Variants in RIMS2 observed in about 807,000 individuals in gnomAD.
RIMS2 encodes regulating synaptic membrane exocytosis protein 2.
A neutral mutation model predicts 174.4 loss-of-function variants in RIMS2; 59 were observed. That is an observed-to-expected ratio of 0.34 (90% CI 0.27 to 0.42). The LOEUF (loss-of-function observed/expected upper bound fraction) is 0.42, where lower values mean the gene tolerates loss of function less well. Among genes scored for constraint, RIMS2 ranks in the 10% least tolerant of loss-of-function variants. The pLI is 1.00. For synonymous variants in RIMS2, 606 were observed against 572.5 expected (o/e 1.06, Z -0.84); for missense variants, 1,620 against 1,666.3 (o/e 0.97, Z 0.48).
At chr8:104,164,404 GT>G (rs769168164) in intron 19 of RIMS2, among the ~76,000 whole-genome samples, 1 of 122,924 alleles carries the variant, frequency 8.1e-6, no homozygotes, top group African/African-American at 3.3e-5. Context: ...CATTTGGAAA[GT>G]TTTTTCCAAA....
At chr8:104,024,146 A>G (rs1011145834) in intron 19 of RIMS2, among the ~76,000 whole-genome samples, 1 of 152,154 alleles carries the variant, frequency 6.6e-6, no homozygotes, top group Non-Finnish European at 1.5e-5. Context: ...GGAGAGGTCA[A>G]AGAAACAGAA....
chr8:103,620,762 A>C (rs1357363001), intron 1 of RIMS2, among the ~76,000 whole-genome samples: 1 of 152,198 alleles, frequency 6.6e-6, no homozygotes, highest in Non-Finnish European at 1.5e-5. Context: ...AAGTGGATTA[A>C]ATAATTTATG....
chr8:103,770,816 T>C (rs2098245127), intron 3 of RIMS2, among the ~76,000 whole-genome samples: 1 of 152,110 alleles, frequency 6.6e-6, no homozygotes, highest in Non-Finnish European at 1.5e-5. Context: ...TCAGAATGGG[T>C]TTTATTGCAG....
chr8:103,864,344 G>A (rs6997813), intron 3 of RIMS2, among the ~76,000 whole-genome samples: 23,977 of 151,870 alleles, frequency 0.16, 1,996 homozygotes, highest in Middle Eastern at 0.24. Flanking sequence ...CATTCTTTTT[G>A]CTGCATCACA....
At chr8:103,810,641 A>T (rs535458429) in intron 3 of RIMS2, among the ~76,000 whole-genome samples, 2 of 152,320 alleles carry the variant, frequency 1.3e-5, no homozygotes, top group East Asian at 1.9e-4. Flanking sequence ...TTTGATATAC[A>T]TATAGATACT....
chr8:103,575,845 C>T (rs930685323), intron 1 of RIMS2, among the ~76,000 whole-genome samples: 2 of 152,066 alleles, frequency 1.3e-5, no homozygotes, highest in Non-Finnish European at 2.9e-5. Context: ...CACAATCTGC[C>T]TGGCACCAGA....
intron 19 of RIMS2, among the ~76,000 whole-genome samples, chr8:104,096,201 A>G (rs1267631007): frequency 1.3e-5 from 2 of 152,116 alleles, no homozygotes; most frequent in Admixed American, 1.3e-4. Flanking sequence ...GAGCAAAGAA[A>G]AGAATGAGTC....
chr8:104,092,588 AG>A (rs2097681054), intron 19 of RIMS2, among the ~76,000 whole-genome samples: 1 of 151,816 alleles, frequency 6.6e-6, no homozygotes, highest in African/African-American at 2.4e-5. Context: ...TTGCAAAAAA[AG>A]ATATTATTAT....
intron 19 of RIMS2, among the ~76,000 whole-genome samples, chr8:104,110,902 A>T (rs913786766): frequency 6.6e-6 from 1 of 152,212 alleles, no homozygotes; most frequent in Non-Finnish European, 1.5e-5. Context: ...GAACTATTTT[A>T]GTGTAATACT....
chr8:104,240,632 T>A (rs1419295473), intron 19 of RIMS2, among the ~76,000 whole-genome samples: 1 of 152,172 alleles, frequency 6.6e-6, no homozygotes, highest in Non-Finnish European at 1.5e-5. Context: ...GTCTTGGTTA[T>A]GCATTAATAC....
intron 1 of RIMS2, among the ~76,000 whole-genome samples, chr8:103,512,275 A>G (rs868350864): frequency 2.0e-5 from 3 of 152,242 alleles, no homozygotes; most frequent in Non-Finnish European, 1.5e-5. Flanking sequence ...CAAAGGAGAA[A>G]TGGTGACAGT....
intron 1 of RIMS2, among the ~76,000 whole-genome samples, chr8:103,553,029 A>T (rs1848751869): frequency 6.6e-6 from 1 of 152,160 alleles, no homozygotes; most frequent in African/African-American, 2.4e-5. Context: ...ATTGTGGAAG[A>T]CAGCGTGGTG....
At chr8:103,588,214 A>G (rs143809115) in intron 1 of RIMS2, among the ~76,000 whole-genome samples, 64 of 152,118 alleles carry the variant, frequency 4.2e-4, no homozygotes, top group African/African-American at 1.5e-3. Flanking sequence ...GATCTCTACA[A>G]TGAAAACTAT....
chr8:104,169,123 TG>T (rs2098815664), intron 19 of RIMS2, among the ~76,000 whole-genome samples: 1 of 151,568 alleles, frequency 6.6e-6, no homozygotes, highest in South Asian at 2.1e-4. Context: ...TTCTTTTTTT[TG>T]TTAAGTCCTT....
At chr8:104,168,218 G>T (rs1274103369) in intron 19 of RIMS2, among the ~76,000 whole-genome samples, 1 of 151,862 alleles carries the variant, frequency 6.6e-6, no homozygotes, top group Non-Finnish European at 1.5e-5. Context: ...ATGTTATTTT[G>T]ATGAGAATTG....
In RIMS2 at chr8:103,859,675, C is replaced by G. The variant is rs59373166; in HGVS notation, c.699-25623C>G. 5.0e-3 allele frequency among the ~76,000 whole-genome samples: 761 copies of G among 151,944 alleles called. 8 individuals are homozygous for G. Among genetic ancestry groups the G allele is most frequent in the African/African-American group, 0.017 (721 of 41,440 alleles). On this transcript the variant is annotated intron_variant, in intron 3 of 23. Transcript: ENST00000504942. Reference sequence around the variant, plus strand: ...GATTGGCAAGGTTATATAGCAGGAACAAGCAAATCTAATATGTCAATGCTT... The same window carrying G: ...GATTGGCAAGGTTATATAGCAGGAAGAAGCAAATCTAATATGTCAATGCTT...
chr8:103,979,904 CAG>C (rs2093750508), intron 16 of RIMS2, among the ~76,000 whole-genome samples: 1 of 152,190 alleles, frequency 6.6e-6, no homozygotes, highest in African/African-American at 2.4e-5. Flanking sequence ...CAGATTTAGC[CAG>C]AGAGGAATCA....
chr8:103,660,597 A>G (rs1250351815), intron 1 of RIMS2, among the ~76,000 whole-genome samples: 1 of 152,102 alleles, frequency 6.6e-6, no homozygotes, highest in Non-Finnish European at 1.5e-5. Flanking sequence ...ATAAAAACAA[A>G]AACAAAAACA....
chr8:103,731,056 C>T (rs1263897283), intron 2 of RIMS2, among the ~76,000 whole-genome samples: 2 of 152,106 alleles, frequency 1.3e-5, no homozygotes, highest in Admixed American at 1.3e-4. Flanking sequence ...ATAAAACCAT[C>T]AGATCTTGTG....
Sources: gnomAD v4.1 joint callset for allele counts (sites outside exome capture counted in the v4.1 genomes callset) on GRCh38, gnomAD v4.1.1 for gene constraint, MANE v1.5 for transcripts, NCBI Gene and HGNC (gene_info 2026-07-23, HGNC 2026-07-21) for gene names.